TMEM131: variants seen among roughly 807,000 people sequenced by gnomAD.
The protein encoded by TMEM131 is transmembrane protein 131.
In TMEM131, 66 loss-of-function variants were observed where a neutral mutation model predicts 211.6. The ratio of observed to expected loss-of-function variants is 0.31; its 90% CI spans 0.26 to 0.38. The LOEUF (loss-of-function observed/expected upper bound fraction) is 0.38, where lower values mean the gene tolerates loss of function less well. TMEM131 is among the 10% of genes least tolerant of loss of function. TMEM131 has a pLI of 1.00. For missense variants in TMEM131, 2,036 were observed against 2,299.3 expected, an observed-to-expected ratio of 0.89 and a Z score of 2.34; for synonymous variants, 844 against 841.3, an observed-to-expected ratio of 1.00 and a Z score of -0.06.
intron 2 of TMEM131, among the ~76,000 whole-genome samples, chr2:97,925,603 GGA>G (rs992216183): frequency 2.2e-4 from 33 of 152,256 alleles, no homozygotes; most frequent in African/African-American, 7.7e-4. Flanking sequence ...ATCGTGCCGT[GGA>G]GAGTTTTGAA....
intron 31 of TMEM131, among the ~76,000 whole-genome samples, chr2:97,779,022 A>G (rs1349508227): frequency 1.3e-5 from 2 of 152,254 alleles, no homozygotes; most frequent in East Asian, 3.8e-4. Flanking sequence ...ACACTTCAGA[A>G]TAACACATGG....
chr2:97,922,898 A>C (rs2104424934), intron 2 of TMEM131, among the ~76,000 whole-genome samples: 1 of 152,292 alleles, frequency 6.6e-6, no homozygotes, highest in East Asian at 1.9e-4. Flanking sequence ...CACAATAAAC[A>C]CTTTAAAGAA....
intron 5 of TMEM131, among the ~76,000 whole-genome samples, chr2:97,853,432 T>TAAA (rs55752619): frequency 6.1e-4 from 55 of 90,390 alleles, no homozygotes; most frequent in Non-Finnish European, 9.8e-4. Flanking sequence ...CCATCTCTAC[T>TAAA]AAAAAAAAAA....
At chr2:97,971,216 G>C (rs773573439) in intron 1 of TMEM131, among the ~76,000 whole-genome samples, 31 of 152,290 alleles carry the variant, frequency 2.0e-4, no homozygotes, top group Middle Eastern at 3.4e-3. Context: ...AGGTCAGGGA[G>C]AAAATCCTGG....
chr2:97,881,791 T>C (rs960681002), intron 4 of TMEM131, among the ~76,000 whole-genome samples: 1 of 151,584 alleles, frequency 6.6e-6, no homozygotes, highest in Non-Finnish European at 1.5e-5. Context: ...CCATTCTGTA[T>C]TACAGTATTC....
At chr2:97,833,553 A>G in intron 10 of TMEM131, 127 bp from the exon 11 acceptor site, 1 of 576,626 alleles carries the variant, frequency 1.7e-6, no homozygotes, top group Non-Finnish European at 3.1e-6. Context: ...AAGATTAATA[A>G]AAAGAAACAT....
intron 39 of TMEM131, 60 bp downstream of exon 39, chr2:97,759,592 C>T (rs1177049458): frequency 3.6e-6 from 5 of 1,407,082 alleles, no homozygotes; most frequent in Non-Finnish European, 5.0e-6. Context: ...AAAACCACAC[C>T]TCCTCTCCCT....
intron 7 of TMEM131, among the ~76,000 whole-genome samples, chr2:97,838,173 A>G (rs1412646629): frequency 3.3e-5 from 5 of 152,212 alleles, no homozygotes; most frequent in Non-Finnish European, 5.9e-5. Flanking sequence ...ACTGAGTACA[A>G]GTCTTGGTGT....
chr2:97,951,461 G>T (rs1678311547), intron 1 of TMEM131, among the ~76,000 whole-genome samples: 1 of 152,132 alleles, frequency 6.6e-6, no homozygotes, highest in Admixed American at 6.5e-5. Context: ...TTGTTCTACA[G>T]TCACCTCACT....
intron 4 of TMEM131, among the ~76,000 whole-genome samples, chr2:97,868,150 A>G (rs1674346835): frequency 6.6e-6 from 1 of 152,172 alleles, no homozygotes. Flanking sequence ...TAACCCCTCT[A>G]TATTTATGTA....
intron 1 of TMEM131, among the ~76,000 whole-genome samples, chr2:97,941,475 G>T (rs981702900): frequency 6.6e-6 from 1 of 152,134 alleles, no homozygotes. Context: ...TTGACAGATG[G>T]GATCTAATTA....
chr2:97,793,628 C>A, intron 29 of TMEM131, 75 bp from the exon 30 acceptor site: 1 of 1,411,058 alleles, frequency 7.1e-7, no homozygotes. Flanking sequence ...ATGTTAAAGG[C>A]AGAGTTTCTT....
chr2:97,887,698 TAAAC>T (rs1392497830), intron 4 of TMEM131: 4 of 175,888 alleles, frequency 2.3e-5, no homozygotes, highest in African/African-American at 9.5e-5. Flanking sequence ...GCACATATAT[TAAAC>T]AAATAGAATA....
chr2:97,767,246 T>C (rs1211848472), intron 33 of TMEM131, among the ~76,000 whole-genome samples: 2 of 152,222 alleles, frequency 1.3e-5, no homozygotes, highest in African/African-American at 4.8e-5. Flanking sequence ...CTGAAAGATA[T>C]TGAGGTAAGC....
In TMEM131 at chr2:97,776,033, T is replaced by TA. The variant is rs773559011; in HGVS notation, c.4145-16dup. The TA allele has an allele frequency of 6.0e-5, 96 of 1,594,262 alleles. No individual in the cohort carries two copies. Among genetic ancestry groups the TA allele is most frequent in the Non-Finnish European group, 7.4e-5 (87 of 1,174,236 alleles). ...TTTTCCTTTCCCTGAGGATAAAAAT[T>TA]AAAGTAAAAGAACTCTTGTTTTTGT... On this transcript the variant is annotated splice_polypyrimidine_tract_variant and intron_variant, in intron 31 of 40. Coordinates refer to ENST00000186436, the MANE Select transcript of TMEM131 (RefSeq NM_015348.2).
intron 1 of TMEM131, among the ~76,000 whole-genome samples, chr2:97,943,120 A>T (rs966551324): frequency 6.6e-6 from 1 of 151,594 alleles, no homozygotes; most frequent in Non-Finnish European, 1.5e-5. Flanking sequence ...GTGGTGGTGC[A>T]TGCCTGTATT....
chr2:97,859,359 A>G lies in TMEM131; in HGVS notation c.428T>C (p.Leu143Ser), dbSNP rs1673973291. The G allele has an allele frequency of 6.2e-7, 1 of 1,601,980 alleles. No individual in the cohort carries two copies. Among genetic ancestry groups the G allele is most frequent in the Non-Finnish European group, 8.5e-7 (1 of 1,176,520 alleles). ...HNPSSEETIT[L>S]VSISATTSHF... The stretch of plus-strand genomic sequence containing the variant: ...TGATGTTGTAGCAGATATTGATACT[A>G]AAGTAATCGTTTCTTCAGAACTAGG... The change falls in exon 5 of 41, where the codon TTA (leucine) becomes TCA (serine). Residue 143 changes from leucine (L) to serine (S), a missense_variant. By Grantham distance (145) the Leu-to-Ser change is moderately radical. This residue lies in a region of TMEM131 where 277 missense variants were observed against 378.0 expected (regional missense o/e 0.73). Transcript: ENST00000186436.
At chr2:97,918,064 C>T (rs1465641731) in intron 2 of TMEM131, among the ~76,000 whole-genome samples, 1 of 152,062 alleles carries the variant, frequency 6.6e-6, no homozygotes, top group Non-Finnish European at 1.5e-5. Flanking sequence ...CTGTGTCAGC[C>T]TCCCGAGTAG....
At chr2:97,876,768 A>G (rs895652689) in intron 4 of TMEM131, among the ~76,000 whole-genome samples, 2 of 152,250 alleles carry the variant, frequency 1.3e-5, no homozygotes, top group East Asian at 1.9e-4. Context: ...AAAAACTGGA[A>G]GCATTCCCTT....
Sources: allele counts gnomAD v4.1 joint callset (sites outside exome capture counted in the v4.1 genomes callset), GRCh38; gene constraint gnomAD v4.1.1; regional missense constraint gnomAD v4.1.1; transcripts MANE v1.5; gene names NCBI Gene and HGNC (gene_info 2026-07-23, HGNC 2026-07-21).